LRRC3B: variants seen among roughly 807,000 people sequenced by gnomAD.
The protein encoded by LRRC3B is leucine rich repeat containing 3B.
A neutral mutation model predicts 12.8 loss-of-function variants in LRRC3B; 2 were observed. The ratio of observed to expected loss-of-function variants is 0.16; its 90% CI spans 0.06 to 0.49. The LOEUF (loss-of-function observed/expected upper bound fraction) is 0.49. Ranked by LOEUF, LRRC3B falls within the 20% of genes least tolerant of loss-of-function variation. LRRC3B has a pLI of 0.96. For synonymous variants in LRRC3B, 132 were observed against 122.0 expected (o/e 1.08, Z -0.54); for missense variants, 189 against 319.4 (o/e 0.59, Z 3.11).
At position 26,709,606 on chromosome 3, in the gene LRRC3B, C is replaced by A. The variant is rs1175716767; in HGVS notation, c.-67C>A. 2 of 1,507,382 alleles carry A rather than the reference C, an allele frequency of 1.3e-6. No individual in the cohort carries two copies. The highest frequency in any genetic ancestry group is 1.8e-6 in the Non-Finnish European group (2 of 1,099,042). 93.4% of individuals were successfully genotyped at this position (1,507,382 alleles called of 1,614,324 possible). The stretch of plus-strand genomic sequence containing the variant: ...AAGGAAATCAATAGTGTGGACAGGG[C>A]TGGAACCTTTACCACGCTTGTTGGA... On this transcript the variant is annotated 5_prime_UTR_variant, in exon 2 of 2. It adds an upstream start codon to the 5' untranslated region. Coordinates refer to ENST00000396641, the Ensembl canonical transcript of LRRC3B.
intron 1 of LRRC3B, among the ~76,000 whole-genome samples, chr3:26,691,977 A>G (rs1420589931): frequency 6.6e-6 from 1 of 152,202 alleles, no homozygotes; most frequent in African/African-American, 2.4e-5. Context: ...TGTTTGCAAA[A>G]GAGCTTCTGA....
At chr3:26,693,384 G>C in intron 1 of LRRC3B, among the ~76,000 whole-genome samples, 2 of 151,208 alleles carry the variant, frequency 1.3e-5, no homozygotes, top group Non-Finnish European at 3.0e-5. Flanking sequence ...AGACCTTTTG[G>C]AGAAGCCTAG....
intron 1 of LRRC3B, among the ~76,000 whole-genome samples, chr3:26,648,888 T>C (rs1344066870): frequency 2.0e-5 from 3 of 152,226 alleles, no homozygotes; most frequent in Admixed American, 6.5e-5. Context: ...CTGGCTGTCT[T>C]AAACTCTCAA....
intron 1 of LRRC3B, among the ~76,000 whole-genome samples, chr3:26,643,439 C>T (rs1198582321): frequency 6.6e-6 from 1 of 151,984 alleles, no homozygotes; most frequent in African/African-American, 2.4e-5. Context: ...TATGTCAGCC[C>T]AGGGCTCAGC....
intron 1 of LRRC3B, among the ~76,000 whole-genome samples, chr3:26,686,429 C>T (rs1700090817): frequency 6.6e-6 from 1 of 152,206 alleles, no homozygotes; most frequent in Non-Finnish European, 1.5e-5. Context: ...AACTTCAACA[C>T]TGCTTCTTTA....
intron 1 of LRRC3B, among the ~76,000 whole-genome samples, chr3:26,627,521 G>A (rs1431050692): frequency 4.6e-5 from 7 of 152,088 alleles, no homozygotes; most frequent in Non-Finnish European, 7.4e-5. Flanking sequence ...TGTCAGAGGA[G>A]GGATGAGGTG....
chr3:26,681,019 A>G (rs1699960067), intron 1 of LRRC3B, among the ~76,000 whole-genome samples: 1 of 152,230 alleles, frequency 6.6e-6, no homozygotes. Flanking sequence ...TGTCACTTAT[A>G]TACTACAAAA....
intron 1 of LRRC3B, among the ~76,000 whole-genome samples, chr3:26,636,924 T>TTC (rs1698902594): frequency 1.6e-5 from 1 of 60,888 alleles, no homozygotes; most frequent in Non-Finnish European, 2.7e-5. Context: ...CTCTCTTTCT[T>TTC]TCTTTCTTTC....
At chr3:26,685,511 CTCTCTCTCTCTCTA>C (rs1408337619) in intron 1 of LRRC3B, among the ~76,000 whole-genome samples, 4 of 52,118 alleles carry the variant, frequency 7.7e-5, no homozygotes, top group Non-Finnish European at 1.1e-4. Context: ...CTCTCTCTCT[CTCTCTCTCTCTCTA>C]TATATATATA....
chr3:26,675,633 G>A (rs1213653635), intron 1 of LRRC3B, among the ~76,000 whole-genome samples: 2 of 152,118 alleles, frequency 1.3e-5, no homozygotes, highest in African/African-American at 4.8e-5. Context: ...ATAACCAACT[G>A]TTTTTCTTCT....
chr3:26,629,550 G>A (rs1372308212), intron 1 of LRRC3B, among the ~76,000 whole-genome samples: 3 of 152,178 alleles, frequency 2.0e-5, no homozygotes, highest in Admixed American at 6.5e-5. Flanking sequence ...TCCCTATGCT[G>A]CACTGGGAAT....
At chr3:26,700,686 C>T (rs983134779) in intron 1 of LRRC3B, among the ~76,000 whole-genome samples, 12 of 152,112 alleles carry the variant, frequency 7.9e-5, no homozygotes, top group Non-Finnish European at 1.3e-4. Flanking sequence ...GTCCTTGTTT[C>T]CTATCTTAGT....
intron 1 of LRRC3B, among the ~76,000 whole-genome samples, chr3:26,646,367 G>T (rs1699144002): frequency 6.6e-6 from 1 of 152,108 alleles, no homozygotes; most frequent in Non-Finnish European, 1.5e-5. Flanking sequence ...ATTCAAACTT[G>T]CTTGAAGGAG....
At chr3:26,682,985 T>C (rs551937400) in intron 1 of LRRC3B, among the ~76,000 whole-genome samples, 2 of 152,306 alleles carry the variant, frequency 1.3e-5, no homozygotes, top group Non-Finnish European at 2.9e-5. Context: ...ACAAAAACAA[T>C]CCTATCTATA....
rs1699221185 is a variant in LRRC3B, at chr3:26,649,505, A to G, written c.-161+26268A>G. ...AGATCCCTGTTTTCATACTCCTCAAATTAAAGATAAAATCAAACTCTGAGT... is the reference window on the plus strand; with the variant it reads ...AGATCCCTGTTTTCATACTCCTCAAGTTAAAGATAAAATCAAACTCTGAGT... On this transcript the variant is annotated intron_variant, in intron 1 of 1. Coordinates refer to ENST00000396641, the Ensembl canonical transcript of LRRC3B. Among the ~76,000 whole-genome samples the G allele has an allele frequency of 2.0e-5, 3 of 152,294 alleles. 1 individual carries two copies. The South Asian group carries it at 6.2e-4, about 32-fold the overall frequency.
intron 1 of LRRC3B, among the ~76,000 whole-genome samples, chr3:26,702,138 C>G (rs1024377110): frequency 3.9e-5 from 6 of 152,168 alleles, no homozygotes; most frequent in Admixed American, 2.0e-4. Context: ...CTGTTGGAAC[C>G]TCATGGTCTA....
chr3:26,630,056 C>T (rs1698722326), intron 1 of LRRC3B, among the ~76,000 whole-genome samples: 2 of 149,882 alleles, frequency 1.3e-5, no homozygotes, highest in Non-Finnish European at 3.0e-5. Flanking sequence ...GATAGTAAAC[C>T]TAAACCAAAG....
intron 1 of LRRC3B, among the ~76,000 whole-genome samples, chr3:26,707,017 G>C (rs1482652996): frequency 3.3e-5 from 5 of 152,070 alleles, no homozygotes; most frequent in African/African-American, 1.2e-4. Flanking sequence ...AATAATAATA[G>C]TAACTAAAAC....
chr3:26,643,672 C>T (rs1029341905), intron 1 of LRRC3B, among the ~76,000 whole-genome samples: 19 of 152,190 alleles, frequency 1.2e-4, no homozygotes, highest in African/African-American at 4.3e-4. Context: ...GATTCCATCA[C>T]TGTCAGAGTT....
Sources: gnomAD v4.1 joint callset for allele counts (sites outside exome capture counted in the v4.1 genomes callset) on GRCh38, gnomAD v4.1.1 for gene constraint, MANE v1.5 for transcripts, NCBI Gene and HGNC (gene_info 2026-07-23, HGNC 2026-07-21) for gene names.